XPNPEP3: variants seen among roughly 807,000 people sequenced by gnomAD.
XPNPEP3 encodes xaa-Pro aminopeptidase 3.
In XPNPEP3, 41 loss-of-function variants were observed where a neutral mutation model predicts 60.0. The ratio of observed to expected loss-of-function variants is 0.68; its 90% CI spans 0.53 to 0.89. The LOEUF is 0.89. Among genes scored for constraint, XPNPEP3 ranks in the 40% least tolerant of loss-of-function variants. XPNPEP3 has a pLI of 0.00. For missense variants in XPNPEP3, 598 were observed against 638.9 expected, an observed-to-expected ratio of 0.94 and a Z score of 0.69; for synonymous variants, 212 against 223.2, an observed-to-expected ratio of 0.95 and a Z score of 0.45.
Position 40,861,109 on chromosome 22 carries a change from T to A in XPNPEP3, c.64+3864T>A, listed in dbSNP as rs748674254. 2.5e-6 allele frequency: 4 copies of A among 1,610,968 alleles called. No individual in the cohort carries two copies. The African/African-American group carries it at 5.4e-5, about 22-fold the overall frequency. ...GACTTCTTTTGCACCTCTTTACGCT[T>A]CTTTTTTTTCCTCTTACCACCCTCT... On this transcript the variant is annotated intron_variant, in intron 1 of 9. Coordinates refer to ENST00000357137, the MANE Select transcript of XPNPEP3 (RefSeq NM_022098.4).
rs565062497 is a variant in XPNPEP3, at chr22:40,891,420, C to T, written c.792+4905C>T. Among the ~76,000 whole-genome samples the T allele has an allele frequency of 6.6e-5, 10 of 151,558 alleles. No individual in the cohort carries two copies. The East Asian group carries it at 9.7e-4, about 15-fold the overall frequency. ...CTGTAATCCCAGCACTTTGGGAAGCCGAGGCGGGCGGATCACAAGGTCAGG... is the reference window on the plus strand; with the variant it reads ...CTGTAATCCCAGCACTTTGGGAAGCTGAGGCGGGCGGATCACAAGGTCAGG... On this transcript the variant is annotated intron_variant, in intron 4 of 9. Transcript: ENST00000357137.
Position 40,886,344 on chromosome 22 carries a change from G to A in XPNPEP3, c.621G>A (p.Met207Ile). 1 of 1,614,120 alleles carries A rather than the reference G, an allele frequency of 6.2e-7. No homozygotes were observed. The highest frequency in any genetic ancestry group is 8.5e-7 in the Non-Finnish European group (1 of 1,180,030). Residue 207 changes from methionine (M) to isoleucine (I), a missense_variant, in exon 4 of 10, where the codon ATG becomes ATA. Coordinates refer to ENST00000357137, the MANE Select transcript of XPNPEP3 (RefSeq NM_022098.4). ...AETNMVWYDW[M>I]RPSHAQLHSD... ...CGAACATGGTTTGGTATGACTGGAT[G>A]AGGCCCTCACATGCACAGCTTCACT...
At chr22:40,903,155 G>C (rs546025065) in intron 4 of XPNPEP3, among the ~76,000 whole-genome samples, 1 of 152,286 alleles carries the variant, frequency 6.6e-6, no homozygotes, top group East Asian at 1.9e-4. Flanking sequence ...TCAGGCCGTG[G>C]CCCAAATCAG....
At position 40,922,402 on chromosome 22, in the gene XPNPEP3, C is replaced by G; in HGVS notation, c.1125C>G (p.Cys375Trp). 6.2e-7 allele frequency: 1 copy of G among 1,613,810 alleles called. No homozygotes were observed. Among genetic ancestry groups the G allele is most frequent in the Non-Finnish European group, 8.5e-7 (1 of 1,179,814 alleles). Residue 375 changes from cysteine to tryptophan, a missense_variant, in exon 8 of 10, where the codon TGC becomes TGG. Transcript: ENST00000357137. ...TCCAAAGAGATTGTTTGGCCCTCTG[C>G]TTCCCTGGGACAAGCTTGGAGAACA... ...LEIQRDCLALCFPGTSLENIY... is the reference protein window; with the variant it reads ...LEIQRDCLALWFPGTSLENIY...
chr22:40,874,414 A>T (rs1212844280), intron 2 of XPNPEP3, among the ~76,000 whole-genome samples: 10 of 149,610 alleles, frequency 6.7e-5, no homozygotes, highest in African/African-American at 2.6e-4. Context: ...GGGAGGGCTT[A>T]GAACATGTGT....
intron 4 of XPNPEP3, among the ~76,000 whole-genome samples, chr22:40,903,874 TCACACACACACACACACA>T (rs10560459): frequency 1.4e-5 from 2 of 146,022 alleles, no homozygotes; most frequent in African/African-American, 5.1e-5. Context: ...TCTCTCTCTG[TCACACACACACACACACA>T]CACACACACA....
chr22:40,921,381 A>G (rs2058215962), intron 7 of XPNPEP3, among the ~76,000 whole-genome samples: 1 of 151,182 alleles, frequency 6.6e-6, no homozygotes, highest in Non-Finnish European at 1.5e-5. Flanking sequence ...GTTCAAATGT[A>G]TGCATTTTAG....
chr22:40,910,959 G>A (rs2058174880), intron 6 of XPNPEP3, among the ~76,000 whole-genome samples: 1 of 152,186 alleles, frequency 6.6e-6, no homozygotes, highest in African/African-American at 2.4e-5. Context: ...AATGAGCCGA[G>A]ATCGCGCCAC....
intron 1 of XPNPEP3, among the ~76,000 whole-genome samples, chr22:40,865,054 G>T (rs1019019330): frequency 1.3e-5 from 2 of 152,170 alleles, no homozygotes; most frequent in African/African-American, 4.8e-5. Flanking sequence ...TGTTTCTGCA[G>T]TTATACCCTT....
chr22:40,876,177 T>A (rs1257201283), intron 2 of XPNPEP3, among the ~76,000 whole-genome samples: 5 of 152,178 alleles, frequency 3.3e-5, no homozygotes, highest in Non-Finnish European at 7.3e-5. Context: ...ATGAAAAGTT[T>A]CTAAATGGTC....
rs1325142866 is a variant in XPNPEP3 at position 40,909,252 on chromosome 22, CA to C, written c.969+18del. 6.3e-7 allele frequency: 1 copy of C among 1,593,832 alleles called. No individual in the cohort carries two copies. The highest frequency in any genetic ancestry group is 1.7e-5 in the Admixed American group (1 of 60,000). On this transcript the variant is annotated intron_variant, in intron 6 of 9. Transcript: ENST00000357137. ...CTCATCAAGGTACGTGAGATGCCCT[CA>C]GTGCTACTCCCACTAGGTCCAGATA...
intron 4 of XPNPEP3, among the ~76,000 whole-genome samples, chr22:40,895,706 C>A (rs1379339534): frequency 6.6e-6 from 1 of 152,110 alleles, no homozygotes; most frequent in African/African-American, 2.4e-5. Flanking sequence ...CCTGGACTCT[C>A]ACATTAAAAA....
intron 2 of XPNPEP3, chr22:40,870,090 C>G: frequency 2.1e-6 from 1 of 470,836 alleles, no homozygotes; most frequent in Non-Finnish European, 4.4e-6. Context: ...TAAGGAAATG[C>G]AGCTCACCAC....
At chr22:40,906,654 A>ACTAGGCCATTC (rs2058156697) in intron 4 of XPNPEP3, among the ~76,000 whole-genome samples, 1 of 152,218 alleles carries the variant, frequency 6.6e-6, no homozygotes, top group African/African-American at 2.4e-5. Flanking sequence ...TGAGGCTGGG[A>ACTAGGCCATTC]AACGTTGCTA....
chr22:40,890,759 C>T (rs1042653675), intron 4 of XPNPEP3, among the ~76,000 whole-genome samples: 2 of 151,738 alleles, frequency 1.3e-5, no homozygotes, highest in African/African-American at 4.8e-5. Context: ...CCCAGCTACT[C>T]AGGAGGCCAA....
intron 7 of XPNPEP3, among the ~76,000 whole-genome samples, chr22:40,919,326 G>T (rs368121618): frequency 1.3e-5 from 2 of 152,086 alleles, no homozygotes; most frequent in Non-Finnish European, 2.9e-5. Context: ...AGGCCAAGGC[G>T]AGTGGATCAC....
At position 40,909,199 on chromosome 22, in the gene XPNPEP3, C is replaced by A. The variant is rs763093642; in HGVS notation, c.933C>A (p.Asn311Lys). Residue 311 changes from asparagine to lysine, a missense_variant, in exon 6 of 10, where the codon AAC becomes AAA. By Grantham distance (94) the Asn-to-Lys change is moderately conservative. Transcript: ENST00000357137. ...PPVVAGGNRS[N>K]TLHYVKNNQL... Reference sequence around the variant, plus strand: ...TGGTGGCTGGTGGTAATCGGTCAAACACTTTGCACTATGTGAAAAATAATC... The same window carrying A: ...TGGTGGCTGGTGGTAATCGGTCAAAAACTTTGCACTATGTGAAAAATAATC... 1.2e-6 allele frequency: 2 copies of A among 1,614,068 alleles called. No individual in the cohort carries two copies. The highest frequency in any genetic ancestry group is 2.7e-5 in the African/African-American group (2 of 74,922).
chr22:40,905,292 G>A (rs181476715), intron 4 of XPNPEP3, among the ~76,000 whole-genome samples: 2 of 152,148 alleles, frequency 1.3e-5, no homozygotes, highest in Non-Finnish European at 2.9e-5. Context: ...GTGTTAGCCA[G>A]GATGATCTTG....
chr22:40,931,361 A>G lies in XPNPEP3; in HGVS notation c.*4926A>G, dbSNP rs570107699. 2 of 152,302 alleles carry G rather than the reference A, an allele frequency of 1.3e-5. No individual in the cohort carries two copies. The highest frequency in any genetic ancestry group is 3.9e-4 in the East Asian group (2 of 5,184). 9.4% of individuals were successfully genotyped at this position (152,302 alleles called of 1,614,324 possible). A position where few individuals can be genotyped will look rare whatever the true frequency, so the allele number is the denominator to read the frequency against. ...TTATGTATTTATTTCAGGAATTACTATTTTGTCACCATAATTAGGAAACAG... is the reference window on the plus strand; with the variant it reads ...TTATGTATTTATTTCAGGAATTACTGTTTTGTCACCATAATTAGGAAACAG... On this transcript the variant is annotated 3_prime_UTR_variant, in exon 10 of 10. Coordinates refer to ENST00000357137, the MANE Select transcript of XPNPEP3 (RefSeq NM_022098.4).
Sources: gnomAD v4.1 joint callset for allele counts (sites outside exome capture counted in the v4.1 genomes callset) on GRCh38, gnomAD v4.1.1 for gene constraint, MANE v1.5 for transcripts, NCBI Gene and HGNC (gene_info 2026-07-23, HGNC 2026-07-21) for gene names.